FBXO15: variants seen among roughly 807,000 people sequenced by gnomAD.
FBXO15 encodes F-box only protein 15.
A neutral mutation model predicts 49.5 loss-of-function variants in FBXO15; 30 were observed. The observed-to-expected ratio is 0.61, with a 90% CI of 0.45 to 0.82. The LOEUF (loss-of-function observed/expected upper bound fraction) is 0.82. Among genes scored for constraint, FBXO15 ranks in the 40% least tolerant of loss-of-function variants. The pLI is 0.00. For synonymous variants in FBXO15, 250 were observed against 232.7 expected, an observed-to-expected ratio of 1.07 and a Z score of -0.68; for missense variants, 591 against 631.5, an observed-to-expected ratio of 0.94 and a Z score of 0.69.
chr18:74,142,132 T>C (rs1224206931), intron 1 of FBXO15, among the ~76,000 whole-genome samples: 1 of 152,216 alleles, frequency 6.6e-6, no homozygotes, highest in Non-Finnish European at 1.5e-5. Flanking sequence ...GTGCTTAATA[T>C]ACTTTTGGTC....
rs190507905 is a variant in FBXO15 at position 74,092,542 on chromosome 18, T to C, written c.1139-10491A>G. Among the ~76,000 whole-genome samples the C allele has an allele frequency of 5.9e-3, 897 of 152,268 alleles. 12 individuals are homozygous for C. The highest frequency in any genetic ancestry group is 0.02 in the African/African-American group (850 of 41,562). ...ATCTTCGAAGTTGCTGTCCTTTGGA[T>C]AGCTGTATGTTTTTGCTTTTATCTT... On this transcript the variant is annotated intron_variant, in intron 8 of 9. Transcript: ENST00000419743.
intron 5 of FBXO15, among the ~76,000 whole-genome samples, chr18:74,127,272 T>C (rs989914035): frequency 3.9e-5 from 6 of 152,240 alleles, no homozygotes; most frequent in African/African-American, 1.2e-4. Context: ...ACTTATTAAA[T>C]AGACTCTGGG....
chr18:74,090,367 T>G (rs1261078027), intron 8 of FBXO15, among the ~76,000 whole-genome samples: 1 of 152,106 alleles, frequency 6.6e-6, no homozygotes. Flanking sequence ...CCTGAATTCA[T>G]TAATATTTTG....
At chr18:74,083,184 G>A (rs1025196747) in intron 8 of FBXO15, among the ~76,000 whole-genome samples, 1 of 152,320 alleles carries the variant, frequency 6.6e-6, no homozygotes, top group South Asian at 2.1e-4. Flanking sequence ...CTGTTCCAAG[G>A]ACAGAGGCAG....
Position 74,075,136 on chromosome 18 carries a change from C to T in FBXO15, c.1264-1406G>A, listed in dbSNP as rs1267210793. ...GCTCGGCCTGACGGTCCCACCCTGG[C>T]TCTCTGGGTGGCTCCCTCTCCGCCT... On this transcript the variant is annotated intron_variant, in intron 9 of 9. Transcript: ENST00000419743. The surrounding 1 kb of genome is among the most constrained non-coding windows in gnomAD (Gnocchi z 4.1). Among the ~76,000 whole-genome samples the T allele has an allele frequency of 6.6e-6, 1 of 152,210 alleles. No homozygotes were observed. The highest frequency in any genetic ancestry group is 1.5e-5 in the Non-Finnish European group (1 of 68,048).
chr18:74,139,098 G>A (rs1489226523), intron 2 of FBXO15, among the ~76,000 whole-genome samples: 1 of 152,110 alleles, frequency 6.6e-6, no homozygotes, highest in African/African-American at 2.4e-5. Flanking sequence ...TCCTCTCGAA[G>A]CTCCTGAGTC....
chr18:74,133,125 T>G (rs1406897937), intron 3 of FBXO15, among the ~76,000 whole-genome samples: 2 of 152,272 alleles, frequency 1.3e-5, no homozygotes, highest in African/African-American at 4.8e-5. Context: ...TGATCAGACG[T>G]TGACTTTAAG....
At chr18:74,088,556 G>A (rs1411700785) in intron 8 of FBXO15, among the ~76,000 whole-genome samples, 1 of 152,100 alleles carries the variant, frequency 6.6e-6, no homozygotes, top group Non-Finnish European at 1.5e-5. Flanking sequence ...TGTTCCATTG[G>A]TCTATGTGTC....
rs1358811152 is a variant in FBXO15, at chr18:74,123,498, C to T, written c.1008G>A (p.Leu336=). 1.9e-6 allele frequency: 3 copies of T among 1,610,376 alleles called. No homozygotes were observed. Among genetic ancestry groups the T allele is most frequent in the African/African-American group, 1.3e-5 (1 of 74,760 alleles). ...TLGSATIPYE[L]PPHSPFLDDS... ...CATCCAAAAAGGGGCTATGTGGAGG[C>T]AGTTCATAGGGGCTGAAAAGCAAAA... The change falls in exon 8 of 10, where the codon CTG becomes CTA. Residue 336 remains leucine, a synonymous_variant. Coordinates refer to ENST00000419743, the MANE Select transcript of FBXO15 (RefSeq NM_001142958.2).
intron 1 of FBXO15, among the ~76,000 whole-genome samples, chr18:74,141,431 C>T (rs899020713): frequency 5.9e-5 from 9 of 152,192 alleles, no homozygotes; most frequent in Non-Finnish European, 1.3e-4. Context: ...GTGGCTAAAT[C>T]CTAGAGAGTA....
intron 2 of FBXO15, 94 bp downstream of exon 2, chr18:74,140,108 A>C (rs1978973144): frequency 3.8e-6 from 4 of 1,065,198 alleles, no homozygotes; most frequent in Non-Finnish European, 4.0e-6. Flanking sequence ...TAGCAAGCTC[A>C]AAATAGCAAC....
intron 8 of FBXO15, among the ~76,000 whole-genome samples, chr18:74,089,819 T>C (rs1177416050): frequency 6.6e-6 from 1 of 152,192 alleles, no homozygotes; most frequent in Non-Finnish European, 1.5e-5. Flanking sequence ...TTCAGTTTGC[T>C]AGTATTTTGT....
rs116229166 is a variant in FBXO15 at position 74,108,482 on chromosome 18, T to C, written c.1138+14886A>G. Among the ~76,000 whole-genome samples the C allele has an allele frequency of 7.2e-3, 792 of 109,274 alleles. 15 individuals are homozygous for C. The highest frequency in any genetic ancestry group is 0.025 in the African/African-American group (759 of 30,040). 71.7% of individuals were successfully genotyped at this position (109,274 alleles called of 152,430 possible). Reference sequence around the variant, plus strand: ...TTCTGAACTTAAGGATATTTTAATATAAACCTCTAAAATTGAAAAGCAAAG... The same window carrying C: ...TTCTGAACTTAAGGATATTTTAATACAAACCTCTAAAATTGAAAAGCAAAG... On this transcript the variant is annotated intron_variant, in intron 8 of 9. Coordinates refer to ENST00000419743, the MANE Select transcript of FBXO15 (RefSeq NM_001142958.2).
chr18:74,077,303 G>A (rs1912294198), intron 9 of FBXO15, among the ~76,000 whole-genome samples: 2 of 152,204 alleles, frequency 1.3e-5, no homozygotes, highest in Admixed American at 6.5e-5. Flanking sequence ...AGGTAGGACA[G>A]CAGGAGCCCT....
intron 8 of FBXO15, among the ~76,000 whole-genome samples, chr18:74,113,084 G>A (rs1914099425): frequency 6.6e-6 from 1 of 152,152 alleles, no homozygotes; most frequent in Admixed American, 6.5e-5. Context: ...ATAAACTGTG[G>A]TACATCCAGA....
In FBXO15 at chr18:74,073,691, C is replaced by A. The variant is rs754747711; in HGVS notation, c.1303G>T (p.Gly435Trp). ...MMDVTLLDEHGKPFWCFSSPV... is the reference protein window; with the variant it reads ...MMDVTLLDEHWKPFWCFSSPV... The stretch of plus-strand genomic sequence containing the variant: ...GAACTGAAACACCAAAAGGGTTTCC[C>A]ATGTTCATCCAAAAGAGTTACGTCC... Residue 435 changes from glycine (G) to tryptophan (W), a missense_variant, in exon 10 of 10, where the codon GGG becomes TGG. By Grantham distance (184) the Gly-to-Trp change is radical. Coordinates refer to ENST00000419743, the MANE Select transcript of FBXO15 (RefSeq NM_001142958.2). The A allele has an allele frequency of 1.2e-6, 2 of 1,613,930 alleles. No individual in the cohort carries two copies. The highest frequency in any genetic ancestry group is 3.3e-5 in the Admixed American group (2 of 59,990).
At chr18:74,079,181 T>TA (rs1159737546) in intron 9 of FBXO15, among the ~76,000 whole-genome samples, 3 of 152,088 alleles carry the variant, frequency 2.0e-5, no homozygotes, top group Non-Finnish European at 4.4e-5. Context: ...AAAAGAAACA[T>TA]ACGGGAAAAG....
At chr18:74,096,818 C>T (rs763720182) in intron 8 of FBXO15, among the ~76,000 whole-genome samples, 1 of 152,022 alleles carries the variant, frequency 6.6e-6, no homozygotes, top group Non-Finnish European at 1.5e-5. Context: ...TGTTGATAAA[C>T]AAGGAAAGAT....
In FBXO15 at chr18:74,075,390, C is replaced by A. The variant is rs144829370; in HGVS notation, c.1264-1660G>T. ...TCCTGCTGCAGCGTAGCCCATCTTG[C>A]AAAGGCATGATGTCCCTCTCAAGTG... is the stretch of plus-strand genomic sequence containing the variant. On this transcript the variant is annotated intron_variant, in intron 9 of 9. Transcript: ENST00000419743. This position sits in a 1 kb window ranked among gnomAD's most constrained non-coding sequence, Gnocchi z 4.1. Among the ~76,000 whole-genome samples the A allele has an allele frequency of 3.5e-4, 54 of 152,344 alleles. No individual in the cohort carries two copies. Among genetic ancestry groups the A allele is most frequent in the Admixed American group, 9.8e-4 (15 of 15,312 alleles).
Sources: allele counts gnomAD v4.1 joint callset (sites outside exome capture counted in the v4.1 genomes callset), GRCh38; gene constraint gnomAD v4.1.1; non-coding constraint Gnocchi (gnomAD v3.1); transcripts MANE v1.5; gene names NCBI Gene and HGNC (gene_info 2026-07-23, HGNC 2026-07-21).